The following CCBE1 variants were observed in gnomAD, a reference collection of about 807,000 sequenced individuals.
CCBE1 encodes the protein collagen and calcium binding EGF domains 1, also known as collagen and calcium-binding EGF domain-containing protein 1.
In CCBE1, 37 loss-of-function variants were observed where a neutral mutation model predicts 50.0. That is an observed-to-expected ratio of 0.74 (90% CI 0.57 to 0.97). The LOEUF is 0.97. Ranked by LOEUF, CCBE1 falls within the 50% of genes least tolerant of loss-of-function variation. The pLI is 0.00. For synonymous variants in CCBE1, 234 were observed against 203.7 expected (o/e 1.15, Z -1.27); for missense variants, 538 against 523.8 (o/e 1.03, Z -0.26).
rs1663549 is a variant in CCBE1 at position 59,480,160 on chromosome 18, G to T, written c.265+26C>A. ...GAATGATTAGTTGTGAATAAAGTCA[G>T]ACAATATCTTTTTTATATTACATAC... is the stretch of plus-strand genomic sequence containing the variant. On this transcript the variant is annotated intron_variant, in intron 3 of 10. Transcript: ENST00000439986. 0.27 allele frequency: 381,025 copies of T among 1,413,438 alleles called. 53,500 individuals carry two copies. The highest frequency in any genetic ancestry group is 0.28 in the African/African-American group (20,121 of 70,912). 87.6% of individuals were successfully genotyped at this position (1,413,438 alleles called of 1,614,324 possible).
intron 2 of CCBE1, among the ~76,000 whole-genome samples, chr18:59,631,620 T>C (rs182054451): frequency 4.5e-4 from 69 of 152,386 alleles, no homozygotes; most frequent in African/African-American, 1.2e-3. Flanking sequence ...TGTAGACTAC[T>C]GGACTATGTG....
intron 2 of CCBE1, among the ~76,000 whole-genome samples, chr18:59,657,987 G>A (rs1326309975): frequency 1.3e-5 from 2 of 152,062 alleles, no homozygotes; most frequent in African/African-American, 2.4e-5. Flanking sequence ...GCACATTGGA[G>A]TAGCAGGCCA....
intron 2 of CCBE1, chr18:59,685,992 G>T (rs1200002340): frequency 6.6e-6 from 1 of 152,202 alleles, no homozygotes; most frequent in Non-Finnish European, 1.5e-5. Context: ...CACCATCCTG[G>T]AGAGAGGCTC....
At chr18:59,470,605 A>G (rs974283794) in intron 3 of CCBE1, among the ~76,000 whole-genome samples, 27 of 152,122 alleles carry the variant, frequency 1.8e-4, no homozygotes, top group Non-Finnish European at 2.5e-4. Context: ...AGGTGGATAC[A>G]CTGCTACTCA....
chr18:59,638,082 T>G (rs1292119468), intron 2 of CCBE1, among the ~76,000 whole-genome samples: 1 of 152,162 alleles, frequency 6.6e-6, no homozygotes, highest in East Asian at 1.9e-4. Context: ...ATCGGAAAAC[T>G]GTTTCTCACC....
Position 59,546,959 on chromosome 18 carries a change from G to T in CCBE1, c.213-66721C>A, listed in dbSNP as rs540265511. 1.7e-4 allele frequency among the ~76,000 whole-genome samples: 26 copies of T among 150,164 alleles called. 1 individual carries two copies. The highest frequency in any genetic ancestry group is 6.1e-4 in the African/African-American group (25 of 40,826). On this transcript the variant is annotated intron_variant, in intron 2 of 10. Transcript: ENST00000439986. The stretch of plus-strand genomic sequence containing the variant: ...TAGGTGAATTTGTTAGTAAAATATT[G>T]TAAAAGCCCAGGTGAGAATTACATG...
rs117956278 is a variant in CCBE1 at position 59,680,800 on chromosome 18, C to T, written c.212+15829G>A. ...TCATCCATCAGGTTACAAACCCAGC[C>T]TTAACTACATTCCTTCCAAAGGAGC... On this transcript the variant is annotated intron_variant, in intron 2 of 10. Coordinates refer to ENST00000439986, the MANE Select transcript of CCBE1 (RefSeq NM_133459.4). Among the ~76,000 whole-genome samples the T allele has an allele frequency of 6.5e-3, 994 of 152,204 alleles. 11 individuals carry two copies. The highest frequency in any genetic ancestry group is 9.5e-3 in the Non-Finnish European group (644 of 68,008).
At chr18:59,518,220 G>A (rs751549642) in intron 2 of CCBE1, among the ~76,000 whole-genome samples, 3 of 152,218 alleles carry the variant, frequency 2.0e-5, no homozygotes, top group Non-Finnish European at 2.9e-5. Flanking sequence ...TGGGCACAGT[G>A]GCTCACTCCT....
In CCBE1 at chr18:59,434,904, C is replaced by A. The variant is rs1039288421; in HGVS notation, c.*1004G>T. Reference sequence around the variant, plus strand: ...CATTAGTGAGGTCAGCCCAAGCCAGCAACCTCCTTGCAGACTTCAGCCCCA... The same window carrying A: ...CATTAGTGAGGTCAGCCCAAGCCAGAAACCTCCTTGCAGACTTCAGCCCCA... On this transcript the variant is annotated 3_prime_UTR_variant, in exon 11 of 11. Coordinates refer to ENST00000439986, the MANE Select transcript of CCBE1 (RefSeq NM_133459.4). 1 of 152,246 alleles carries A rather than the reference C, an allele frequency of 6.6e-6. No individual in the cohort carries two copies. Among genetic ancestry groups the A allele is most frequent in the Admixed American group, 6.5e-5 (1 of 15,274 alleles). The allele number at this position is 152,246 out of a possible 1,614,324, so 9.4% of individuals were successfully genotyped here.
At chr18:59,536,228 TC>T (rs1203078509) in intron 2 of CCBE1, among the ~76,000 whole-genome samples, 2 of 152,218 alleles carry the variant, frequency 1.3e-5, no homozygotes. Context: ...TTCCGTCTTC[TC>T]ATCTGGTGTG....
At chr18:59,549,058 A>T (rs1184195634) in intron 2 of CCBE1, among the ~76,000 whole-genome samples, 1 of 144,418 alleles carries the variant, frequency 6.9e-6, no homozygotes, top group Non-Finnish European at 1.5e-5. Flanking sequence ...AGCCAAGATC[A>T]TGCCACTGCA....
chr18:59,455,097 T>C (rs1271505650), intron 5 of CCBE1, 146 bp from the exon 6 acceptor site: 1 of 714,540 alleles, frequency 1.4e-6, no homozygotes, highest in East Asian at 2.7e-5. Flanking sequence ...TTTACAGCTC[T>C]CAGGTCCTGC....
intron 2 of CCBE1, among the ~76,000 whole-genome samples, chr18:59,618,713 C>T (rs1348861895): frequency 6.6e-6 from 1 of 152,156 alleles, no homozygotes; most frequent in East Asian, 1.9e-4. Context: ...TAGGCATGAG[C>T]CACCACACCC....
At chr18:59,604,168 C>A (rs1396080559) in intron 2 of CCBE1, among the ~76,000 whole-genome samples, 1 of 152,218 alleles carries the variant, frequency 6.6e-6, no homozygotes, top group Non-Finnish European at 1.5e-5. Flanking sequence ...CTCTTCACCC[C>A]ATAAGAGCTT....
intron 2 of CCBE1, among the ~76,000 whole-genome samples, chr18:59,582,072 C>G (rs1568217507): frequency 6.6e-6 from 1 of 152,108 alleles, no homozygotes. Flanking sequence ...CTCACAAAAC[C>G]TGTGGACCCA....
chr18:59,628,390 A>T (rs1407594148), intron 2 of CCBE1, among the ~76,000 whole-genome samples: 1 of 152,244 alleles, frequency 6.6e-6, no homozygotes, highest in African/African-American at 2.4e-5. Context: ...ATTTTTTCCT[A>T]ACTTTTCTCT....
intron 2 of CCBE1, among the ~76,000 whole-genome samples, chr18:59,540,585 T>G (rs1915429581): frequency 6.6e-6 from 1 of 152,210 alleles, no homozygotes. Flanking sequence ...TTTAGTCCTC[T>G]TCTCCCCACT....
chr18:59,666,580 A>G (rs538076283), intron 2 of CCBE1, among the ~76,000 whole-genome samples: 19 of 152,180 alleles, frequency 1.2e-4, no homozygotes, highest in African/African-American at 3.4e-4. Flanking sequence ...TGCTACCATG[A>G]AAGTTTCAGC....
intron 2 of CCBE1, among the ~76,000 whole-genome samples, chr18:59,504,296 T>A: frequency 6.6e-6 from 1 of 152,212 alleles, no homozygotes; most frequent in East Asian, 1.9e-4. Flanking sequence ...TTCTTGACAT[T>A]GTAATCTAGG....
Sources: gnomAD v4.1 joint callset for allele counts (sites outside exome capture counted in the v4.1 genomes callset) on GRCh38, gnomAD v4.1.1 for gene constraint, MANE v1.5 for transcripts, NCBI Gene and HGNC (gene_info 2026-07-23, HGNC 2026-07-21) for gene names.